Variants in PLOD1 observed in about 807,000 individuals in gnomAD.
PLOD1 encodes lysine hydroxylase.
A neutral mutation model predicts 94.7 loss-of-function variants in PLOD1; 70 were observed. The ratio of observed to expected loss-of-function variants is 0.74; its 90% CI spans 0.61 to 0.90. The LOEUF (loss-of-function observed/expected upper bound fraction) is 0.90, where lower values mean the gene tolerates loss of function less well. Among genes scored for constraint, PLOD1 ranks in the 40% least tolerant of loss-of-function variants. The probability of loss-of-function intolerance (pLI) is 0.00; values close to 1 mark genes in which losing one functional copy is unlikely to be tolerated. For missense variants in PLOD1, 905 were observed against 972.7 expected (o/e 0.93, Z 0.93); for synonymous variants, 417 against 400.2 (o/e 1.04, Z -0.50).
intron 5 of PLOD1, chr1:11,954,188 G>GT: frequency 6.0e-6 from 1 of 167,014 alleles, no homozygotes; most frequent in South Asian, 1.2e-4. Context: ...TTGGAGTAGC[G>GT]GCCAGGTGCG....
Position 11,958,608 on chromosome 1 carries a change from C to T in PLOD1, c.936C>T (p.His312=), listed in dbSNP as rs374787907. 2.8e-4 allele frequency: 455 copies of T among 1,614,176 alleles called. 5 individuals carry two copies. In the South Asian group the frequency reaches 4.7e-3, roughly 17 times the overall value. The change falls in exon 9 of 19, where the codon CAC becomes CAT. Residue 312 remains histidine, a synonymous_variant. Transcript: ENST00000196061. This position sits in a 1 kb window ranked among gnomAD's most constrained non-coding sequence, Gnocchi z 4.3. ...TCTTCCAGCGGCTCCTGCGGCTCCACTACCCCCAGAAACACATGCGACTTT... is the reference window on the plus strand; with the variant it reads ...TCTTCCAGCGGCTCCTGCGGCTCCATTACCCCCAGAAACACATGCGACTTT... ...SLFFQRLLRL[H]YPQKHMRLFI... is the part of the protein sequence containing the mutation.
rs1024555330 is a variant in PLOD1 at position 11,949,861 on chromosome 1, A to G, written c.257A>G (p.Glu86Gly). 3.1e-6 allele frequency: 5 copies of G among 1,614,140 alleles called. No homozygotes were observed. The highest frequency in any genetic ancestry group is 1.6e-4 in the Middle Eastern group (1 of 6,062). The part of the protein sequence containing the change: ...QKVRLLKKAL[E>G]KHADKEDLVI... Reference sequence around the variant, plus strand: ...GTCCGGCTGCTGAAGAAAGCTCTGGAGAAGCACGCAGACAAGGAGGATCTG... The same window carrying G: ...GTCCGGCTGCTGAAGAAAGCTCTGGGGAAGCACGCAGACAAGGAGGATCTG... Residue 86 changes from glutamate (E) to glycine (G), a missense_variant, in exon 3 of 19, where the codon GAG becomes GGG. By Grantham distance (98) the Glu-to-Gly change is moderately conservative. Coordinates refer to ENST00000196061, the MANE Select transcript of PLOD1 (RefSeq NM_000302.4).
intron 13 of PLOD1, among the ~76,000 whole-genome samples, chr1:11,965,180 A>G (rs538487364): frequency 2.0e-5 from 3 of 150,456 alleles, no homozygotes; most frequent in African/African-American, 7.3e-5. Flanking sequence ...ATGCAGCAAG[A>G]TGAAGTTTTC....
rs1030938017 is a variant in PLOD1 at position 11,965,562 on chromosome 1, A to G, written c.1553A>G (p.Asn518Ser). 6.2e-7 allele frequency: 1 copy of G among 1,613,314 alleles called. No homozygotes were observed. Among genetic ancestry groups the G allele is most frequent in the Non-Finnish European group, 8.5e-7 (1 of 1,179,524 alleles). ...AGCTACCGCACCACCCACCTGCACA[A>G]CGACCTCTGGGAGGTGTTCAGCAAC... ...LDSYRTTHLH[N>S]DLWEVFSNPE... Residue 518 changes from asparagine (N) to serine (S), a missense_variant, in exon 14 of 19, where the codon AAC becomes AGC. Transcript: ENST00000196061.
rs76547980 is a variant in PLOD1 at position 11,955,901 on chromosome 1, C to T, written c.643+1008C>T. Among the ~76,000 whole-genome samples, 17 of 152,172 alleles carry T rather than the reference C, an allele frequency of 1.1e-4. No homozygotes were observed. The East Asian group carries it at 3.3e-3, about 30-fold the overall frequency. ...TTGGCCTCCCAAAGTGCTGAGATTA[C>T]AGACGTGAGCCATCGTGCCCAGCCC... is the stretch of plus-strand genomic sequence containing the variant. On this transcript the variant is annotated intron_variant, in intron 6 of 18. Coordinates refer to ENST00000196061, the MANE Select transcript of PLOD1 (RefSeq NM_000302.4).
chr1:11,942,573 G>A (rs1645622320), intron 1 of PLOD1, among the ~76,000 whole-genome samples: 1 of 152,194 alleles, frequency 6.6e-6, no homozygotes, highest in African/African-American at 2.4e-5. Flanking sequence ...CAAGGGAATG[G>A]GGTGCAGGCT....
rs1645749792 is a variant in PLOD1 at position 11,957,860 on chromosome 1, GGCAACTACA to G, written c.761_769del (p.Gly254_Ile257delinsVal). On this transcript the variant is annotated inframe_deletion, in exon 8 of 19. Transcript: ENST00000196061. The surrounding 1 kb of genome is among the most constrained non-coding windows in gnomAD (Gnocchi z 4.1). ...CCGACAGCTGCAGTTGAACTACCTG[GGCAACTACA>G]TCCCGCGCTTCTGGACCTTCGAAAC... 6.2e-7 allele frequency: 1 copy of G among 1,613,856 alleles called. No individual in the cohort carries two copies. The highest frequency in any genetic ancestry group is 2.2e-5 in the East Asian group (1 of 44,866).
intron 16 of PLOD1, 59 bp downstream of exon 16, chr1:11,967,150 T>A: frequency 9.0e-7 from 1 of 1,107,456 alleles, no homozygotes. Context: ...TCAGTGCCGC[T>A]CACTGTCTGG....
chr1:11,934,730 C>T lies in PLOD1; in HGVS notation c.-50C>T, dbSNP rs555643065. 1 of 1,515,836 alleles carries T rather than the reference C, an allele frequency of 6.6e-7. No individual in the cohort carries two copies. Among genetic ancestry groups the T allele is most frequent in the Admixed American group, 2.0e-5 (1 of 49,298 alleles). The allele number at this position is 1,515,836 out of a possible 1,614,324, so 93.9% of individuals were successfully genotyped here. ...ACCTGCGGCCCCGTCGCGAAGTTTC[C>T]AGCCCTGCGAGCGCCGCCGGGTCGG... On this transcript the variant is annotated 5_prime_UTR_variant, in exon 1 of 19. Transcript: ENST00000196061.
At chr1:11,970,911 G>A in intron 17 of PLOD1, 95 bp downstream of exon 17, 1 of 842,880 alleles carries the variant, frequency 1.2e-6, no homozygotes, top group Non-Finnish European at 1.7e-6. Context: ...GGGAGGTGGA[G>A]AAACTGGGAG....
chr1:11,958,607 A>G lies in PLOD1; in HGVS notation c.935A>G (p.His312Arg). The change falls in exon 9 of 19, where the codon CAC (histidine) becomes CGC (arginine). Residue 312 changes from histidine to arginine, a missense_variant. Coordinates refer to ENST00000196061, the MANE Select transcript of PLOD1 (RefSeq NM_000302.4). The surrounding 1 kb of genome is among the most constrained non-coding windows in gnomAD (Gnocchi z 4.3). ...TTCTTCCAGCGGCTCCTGCGGCTCC[A>G]CTACCCCCAGAAACACATGCGACTT... Reference protein sequence around the residue: ...SLFFQRLLRLHYPQKHMRLFI... With the variant: ...SLFFQRLLRLRYPQKHMRLFI... 6.2e-7 allele frequency: 1 copy of G among 1,613,980 alleles called. No individual in the cohort carries two copies. Among genetic ancestry groups the G allele is most frequent in the Non-Finnish European group, 8.5e-7 (1 of 1,180,004 alleles).
rs959603974 is a variant in PLOD1, at chr1:11,958,837, C to T, written c.975+190C>T. Among the ~76,000 whole-genome samples, 5 of 152,172 alleles carry T rather than the reference C, an allele frequency of 3.3e-5. No individual in the cohort carries two copies. Among genetic ancestry groups the T allele is most frequent in the Non-Finnish European group, 7.4e-5 (5 of 68,020 alleles). Reference sequence around the variant, plus strand: ...CAGACTGGGTGAGTTTGAATCCCAGCGCCGCTATTTTATTGGCTGTGTGAC... The same window carrying T: ...CAGACTGGGTGAGTTTGAATCCCAGTGCCGCTATTTTATTGGCTGTGTGAC... On this transcript the variant is annotated intron_variant, in intron 9 of 18. Transcript: ENST00000196061. The surrounding 1 kb of genome is among the most constrained non-coding windows in gnomAD (Gnocchi z 4.3).
intron 13 of PLOD1, among the ~76,000 whole-genome samples, chr1:11,965,077 A>G (rs569761430): frequency 6.6e-6 from 1 of 151,796 alleles, no homozygotes; most frequent in South Asian, 2.1e-4. Flanking sequence ...CTTTCCACCT[A>G]AAGGTACTCC....
chr1:11,950,012 G>T, intron 3 of PLOD1, 106 bp downstream of exon 3: 1 of 1,201,372 alleles, frequency 8.3e-7, no homozygotes. Context: ...GACCACTCTA[G>T]CTAAGGTTGC....
At chr1:11,947,512 G>C (rs1645664351) in intron 1 of PLOD1, among the ~76,000 whole-genome samples, 6 of 152,136 alleles carry the variant, frequency 3.9e-5, no homozygotes, top group Admixed American at 2.6e-4. Flanking sequence ...GGAGGTTGCA[G>C]TGAGCTGAGA....
chr1:11,965,982 C>T lies in PLOD1; in HGVS notation c.1585-269C>T, dbSNP rs116001392. On this transcript the variant is annotated intron_variant, in intron 14 of 18. Transcript: ENST00000196061. Reference sequence around the variant, plus strand: ...GGAGACAGTTGTAACTGTTTCTAGACGTTGGGAGCTCACAGCTGATGGGTG... The same window carrying T: ...GGAGACAGTTGTAACTGTTTCTAGATGTTGGGAGCTCACAGCTGATGGGTG... 6.4e-3 allele frequency among the ~76,000 whole-genome samples: 972 copies of T among 152,264 alleles called. 10 individuals are homozygous for T. Among genetic ancestry groups the T allele is most frequent in the African/African-American group, 0.022 (917 of 41,546 alleles).
intron 10 of PLOD1, among the ~76,000 whole-genome samples, chr1:11,961,564 A>G (rs1645778061): frequency 6.6e-6 from 1 of 152,208 alleles, no homozygotes; most frequent in South Asian, 2.1e-4. Flanking sequence ...GCTGCATTCC[A>G]GCAAAATTTC....
Position 11,967,231 on chromosome 1 carries a change from G to A in PLOD1, c.1755+140G>A. ...CATAGGGGTGCTGGCATGGGTATCT[G>A]CAGGCAGGTAGGAGTAGAGGGATTG... On this transcript the variant is annotated intron_variant, in intron 16 of 18. Coordinates refer to ENST00000196061, the MANE Select transcript of PLOD1 (RefSeq NM_000302.4). 6.0e-6 allele frequency: 4 copies of A among 667,772 alleles called. No individual in the cohort carries two copies. The South Asian group carries it at 6.7e-5, about 11-fold the overall frequency. 41.4% of individuals were successfully genotyped at this position (667,772 alleles called of 1,614,324 possible).
Position 11,962,274 on chromosome 1 carries a change from C to CTTT in PLOD1, c.1098-1240_1098-1238dup, listed in dbSNP as rs780613164. Reference sequence around the variant, plus strand: ...TACATCTTCTTTTGATTTTTGTTTTCTTTTTTTTTTTTTTTTTTTTGAGAT... The same window carrying CTTT: ...TACATCTTCTTTTGATTTTTGTTTTCTTTTTTTTTTTTTTTTTTTTTTTGAGAT... On this transcript the variant is annotated intron_variant, in intron 10 of 18. Coordinates refer to ENST00000196061, the MANE Select transcript of PLOD1 (RefSeq NM_000302.4). Among the ~76,000 whole-genome samples the CTTT allele has an allele frequency of 1.3e-3, 133 of 99,058 alleles. 1 individual carries two copies. Among genetic ancestry groups the CTTT allele is most frequent in the African/African-American group, 1.5e-3 (36 of 23,934 alleles). The allele number at this position is 99,058 out of a possible 152,430, so 65.0% of individuals were successfully genotyped here. A position where few individuals can be genotyped will look rare whatever the true frequency, so the allele number is the denominator to read the frequency against.
Sources: allele counts gnomAD v4.1 joint callset (sites outside exome capture counted in the v4.1 genomes callset), GRCh38; gene constraint gnomAD v4.1.1; non-coding constraint Gnocchi (gnomAD v3.1); transcripts MANE v1.5; gene names NCBI Gene and HGNC (gene_info 2026-07-23, HGNC 2026-07-21).